The following AP1G2 variants were observed in gnomAD, a reference collection of about 807,000 sequenced individuals.
AP1G2 encodes the protein AP-1 complex subunit gamma-like 2.
In AP1G2, 85 loss-of-function variants were observed where a neutral mutation model predicts 95.8. That is an observed-to-expected ratio of 0.89 (90% CI 0.74 to 1.06). The LOEUF is 1.06. AP1G2 is among the 50% of genes least tolerant of loss of function. AP1G2 has a pLI of 0.00. For missense variants in AP1G2, 967 were observed against 1,005.8 expected, an observed-to-expected ratio of 0.96 and a Z score of 0.52; for synonymous variants, 378 against 400.0, an observed-to-expected ratio of 0.94 and a Z score of 0.66.
chr14:23,566,632 A>T lies in AP1G2; in HGVS notation c.259T>A (p.Tyr87Asn). ...TCCAATAGAAGCATGGCCCCCAGGT[A>T]GCCCACCCTCTTGTCTGTGAATCTG... ...SSRFTDKRVG[Y>N]LGAMLLLDER... Residue 87 changes from tyrosine (Y) to asparagine (N), a missense_variant, in exon 3 of 22, where the codon TAC becomes AAC. Tyr to Asn is a moderately radical substitution (Grantham distance 143, BLOSUM62 -2). Coordinates refer to ENST00000397120, the MANE Select transcript of AP1G2 (RefSeq NM_003917.5). 1 of 1,614,176 alleles carries T rather than the reference A, an allele frequency of 6.2e-7. No homozygotes were observed. The highest frequency in any genetic ancestry group is 1.1e-5 in the South Asian group (1 of 91,088).
In AP1G2 at chr14:23,559,975, G is replaced by C. The variant is rs181571401; in HGVS notation, c.2219C>G (p.Pro740Arg). ...GAGGATTCTGAAGAGCTGGGTGATA[G>C]GAAGGCCACCCCGAGCTGGAACTGT... is the stretch of plus-strand genomic sequence containing the variant. ...GNTVPARGGL[P>R]ITQLFRILNP... The change falls in exon 21 of 22, where the codon CCT becomes CGT. Residue 740 changes from proline (P) to arginine (R), a missense_variant. Physicochemically the swap from Pro to Arg is moderately radical, Grantham distance 103. Coordinates refer to ENST00000397120, the MANE Select transcript of AP1G2 (RefSeq NM_003917.5). 1.7e-5 allele frequency: 28 copies of C among 1,613,320 alleles called. No individual in the cohort carries two copies. In the Admixed American group the frequency reaches 4.7e-4, roughly 27 times the overall value.
Position 23,565,210 on chromosome 14 carries a change from G to A in AP1G2, c.742-11C>T. On this transcript the variant is annotated splice_polypyrimidine_tract_variant and intron_variant, in intron 7 of 21. Transcript: ENST00000397120. ...ACGAAGTATCTGGACCTGAGGTTGG[G>A]TTGAAAATGGAAAGTTGGAGGGGTT... The A allele has an allele frequency of 3.7e-6, 6 of 1,613,696 alleles. No homozygotes were observed. Among genetic ancestry groups the A allele is most frequent in the Non-Finnish European group, 5.1e-6 (6 of 1,179,766 alleles).
intron 8 of AP1G2, 75 bp downstream of exon 8, chr14:23,565,044 G>T: frequency 1.4e-6 from 2 of 1,383,576 alleles, no homozygotes; most frequent in East Asian, 2.3e-5. Flanking sequence ...GCACAGTGAC[G>T]AGTCATGTGA....
Position 23,566,412 on chromosome 14 carries a change from T to C in AP1G2, c.337A>G (p.Ser113Gly), listed in dbSNP as rs771704026. The change falls in exon 4 of 22, where the codon AGC (serine) becomes GGC (glycine). Residue 113 changes from serine (S) to glycine (G), a missense_variant. Ser to Gly is a moderately conservative substitution (Grantham distance 56). Coordinates refer to ENST00000397120, the MANE Select transcript of AP1G2 (RefSeq NM_003917.5). ...LITNSIKNDL[S>G]QGIQPVQGLA... ...CCTTGTACTGGCTGAATCCCCTGGC[T>C]CAGGTCACTGCAGGGTTTGGGAGGA... 1.2e-6 allele frequency: 2 copies of C among 1,613,730 alleles called. No individual in the cohort carries two copies. The highest frequency in any genetic ancestry group is 2.2e-5 in the South Asian group (2 of 91,084).
At position 23,559,986 on chromosome 14, in the gene AP1G2, C is replaced by T. The variant is rs75443528; in HGVS notation, c.2208G>A (p.Arg736=). ...AGAGCTGGGTGATAGGAAGGCCACCCCGAGCTGGAACTGTGTTCCCACTGG... is the reference window on the plus strand; with the variant it reads ...AGAGCTGGGTGATAGGAAGGCCACCTCGAGCTGGAACTGTGTTCCCACTGG... The part of the protein sequence containing the change: ...QAPSGNTVPA[R]GGLPITQLFR... Residue 736 remains arginine (R), a synonymous_variant, in exon 21 of 22, where the codon CGG becomes CGA. Transcript: ENST00000397120. The T allele has an allele frequency of 2.2e-3, 3,552 of 1,613,190 alleles. 69 individuals are homozygous for T. The African/African-American group carries it at 0.042, about 19-fold the overall frequency.
At position 23,567,692 on chromosome 14, in the gene AP1G2, G is replaced by A. The variant is rs1888745757; in HGVS notation, c.-6+47C>T. 2 of 1,037,158 alleles carry A rather than the reference G, an allele frequency of 1.9e-6. No homozygotes were observed. The highest frequency in any genetic ancestry group is 3.3e-5 in the South Asian group (1 of 29,860). 64.2% of individuals were successfully genotyped at this position (1,037,158 alleles called of 1,614,324 possible). ...CCTCCCCCGATTTCCATCTCAGGCA[G>A]CGGCAGCGGCAGCGACAGCCTGCCT... is the stretch of plus-strand genomic sequence containing the variant. On this transcript the variant is annotated intron_variant, in intron 1 of 21. Coordinates refer to ENST00000397120, the MANE Select transcript of AP1G2 (RefSeq NM_003917.5). This position sits in a 1 kb window ranked among gnomAD's most constrained non-coding sequence, Gnocchi z 5.3.
At chr14:23,566,805 T>C in intron 2 of AP1G2, 119 bp from the exon 3 acceptor site, 1 of 1,397,138 alleles carries the variant, frequency 7.2e-7, no homozygotes, top group Non-Finnish European at 9.8e-7. Context: ...CTCATCACTC[T>C]CCCTTCAACA....
In AP1G2 at chr14:23,559,832, G is replaced by A; in HGVS notation, c.2275C>T (p.Leu759=). ...NPNKAPLRLK[L]RLTYDHFHQS... ...TGAAAGTGGTCGTAGGTGAGGCGCA[G>A]CTTTAGCCGCAGGGGGGCCTAGGAA... The change falls in exon 22 of 22, where the codon CTG becomes TTG. Residue 759 remains leucine, a synonymous_variant. Transcript: ENST00000397120. The A allele has an allele frequency of 1.2e-6, 2 of 1,614,120 alleles. No individual in the cohort carries two copies. Among genetic ancestry groups the A allele is most frequent in the Non-Finnish European group, 1.7e-6 (2 of 1,180,024 alleles).
chr14:23,565,757 C>T, intron 6 of AP1G2, 56 bp from the exon 7 acceptor site: 1 of 1,608,676 alleles, frequency 6.2e-7, no homozygotes. Context: ...GCTAAAGCCC[C>T]ATTCCTTCCC....
chr14:23,561,881 T>C, intron 17 of AP1G2, 81 bp downstream of exon 17: 1 of 1,520,662 alleles, frequency 6.6e-7, no homozygotes, highest in South Asian at 1.2e-5. Context: ...CAGGTGAGGA[T>C]GAGGCCCTTG....
chr14:23,565,869 G>T lies in AP1G2; in HGVS notation c.592C>A (p.Leu198Met), dbSNP rs1311162646. 2 of 1,582,470 alleles carry T rather than the reference G, an allele frequency of 1.3e-6. No homozygotes were observed. The highest frequency in any genetic ancestry group is 1.7e-6 in the Non-Finnish European group (2 of 1,165,736). The change falls in exon 6 of 22, where the codon CTG (leucine) becomes ATG (methionine). Residue 198 changes from leucine to methionine, a missense_variant. Coordinates refer to ENST00000397120, the MANE Select transcript of AP1G2 (RefSeq NM_003917.5). ...CTTCGTTCGCAGAGCTCCGTGATCAGCGTGATGGTGCCCAGCAGGATGCCT... is the reference window on the plus strand; with the variant it reads ...CTTCGTTCGCAGAGCTCCGTGATCATCGTGATGGTGCCCAGCAGGATGCCT... ...HHGILLGTIT[L>M]ITELCERSPA...
chr14:23,567,519 C>T lies in AP1G2; in HGVS notation c.-5-200G>A. Reference sequence around the variant, plus strand: ...CCGAGAAGCCCACTACGCATGCGTCCGCACCCCACCGGCGCCCCTTCCTAT... The same window carrying T: ...CCGAGAAGCCCACTACGCATGCGTCTGCACCCCACCGGCGCCCCTTCCTAT... On this transcript the variant is annotated intron_variant, in intron 1 of 21. Coordinates refer to ENST00000397120, the MANE Select transcript of AP1G2 (RefSeq NM_003917.5). The surrounding 1 kb of genome is among the most constrained non-coding windows in gnomAD (Gnocchi z 5.3). The T allele has an allele frequency of 7.3e-7, 1 of 1,364,726 alleles. No individual in the cohort carries two copies. Among genetic ancestry groups the T allele is most frequent in the Non-Finnish European group, 9.4e-7 (1 of 1,067,200 alleles). 84.5% of individuals were successfully genotyped at this position (1,364,726 alleles called of 1,614,324 possible). A position where few individuals can be genotyped will look rare whatever the true frequency, so the allele number is the denominator to read the frequency against.
chr14:23,566,223 A>G (rs1180342389), intron 4 of AP1G2, 55 bp downstream of exon 4: 1 of 1,607,180 alleles, frequency 6.2e-7, no homozygotes, highest in East Asian at 2.2e-5. Context: ...CTACTACTAT[A>G]TAGCACGCAG....
At chr14:23,562,774 AAGAAACACTGCTGGGCCAGT>A (rs1219255643) in intron 14 of AP1G2, 181 bp from the exon 15 acceptor site, 5 of 651,006 alleles carry the variant, frequency 7.7e-6, no homozygotes, top group Non-Finnish European at 1.3e-5. Context: ...GAGAGAAAGA[AAGAAACACTGCTGGGCCAGT>A]GTCTGAGGTC....
In AP1G2 at chr14:23,564,325, A is replaced by C. The variant is rs1156275485; in HGVS notation, c.977+8T>G. 5.0e-6 allele frequency: 8 copies of C among 1,614,108 alleles called. No homozygotes were observed. The highest frequency in any genetic ancestry group is 6.8e-6 in the Non-Finnish European group (8 of 1,179,968). Reference sequence around the variant, plus strand: ...GGCACAGCCTAGGTAGACAGTTGGGACTATTACCTAATGTTCCTGTCACTG... The same window carrying C: ...GGCACAGCCTAGGTAGACAGTTGGGCCTATTACCTAATGTTCCTGTCACTG... On this transcript the variant is annotated splice_region_variant and intron_variant, in intron 10 of 21. Coordinates refer to ENST00000397120, the MANE Select transcript of AP1G2 (RefSeq NM_003917.5).
intron 16 of AP1G2, 43 bp from the exon 17 acceptor site, chr14:23,562,109 T>A: frequency 1.2e-6 from 2 of 1,604,602 alleles, no homozygotes; most frequent in Non-Finnish European, 1.7e-6. Flanking sequence ...AGTGTGCCAC[T>A]GCAGGATGTG....
chr14:23,563,184 C>A (rs1595308969), intron 14 of AP1G2, 196 bp downstream of exon 14: 3 of 1,434,220 alleles, frequency 2.1e-6, no homozygotes, highest in Non-Finnish European at 2.7e-6. Flanking sequence ...TCTGTAGTTA[C>A]ATAACCAGGA....
intron 8 of AP1G2, chr14:23,564,882 T>G: frequency 1.6e-6 from 1 of 630,954 alleles, no homozygotes; most frequent in South Asian, 1.9e-5. Context: ...ATGTTATCTG[T>G]CCATCCTTCA....
Position 23,562,511 on chromosome 14 carries a change from G to A in AP1G2, c.1493C>T (p.Pro498Leu), listed in dbSNP as rs750293447. 6.2e-7 allele frequency: 1 copy of A among 1,614,176 alleles called. No homozygotes were observed. The highest frequency in any genetic ancestry group is 1.1e-5 in the South Asian group (1 of 91,088). ...CCCCCAATGAGGTCTCACCTGAAGG[G>A]GCTCAATCTCCTCGCAGTTCCCTGC... Reference protein sequence around the residue: ...LLAGNCEEIEPLQVDEEEVLA... With the variant: ...LLAGNCEEIELLQVDEEEVLA... The change falls in exon 15 of 22, where the codon CCC becomes CTC. Residue 498 changes from proline (P) to leucine (L), a missense_variant. Transcript: ENST00000397120.
Sources: allele counts gnomAD v4.1 joint callset, GRCh38; gene constraint gnomAD v4.1.1; non-coding constraint Gnocchi (gnomAD v3.1); transcripts MANE v1.5; gene names NCBI Gene and HGNC (gene_info 2026-07-23, HGNC 2026-07-21).